EGLN1: variants seen among roughly 807,000 people sequenced by gnomAD.
EGLN1 encodes the protein egl-9 family hypoxia inducible factor 1, also known as egl nine homolog 1.
In EGLN1, 17 loss-of-function variants were observed where a neutral mutation model predicts 38.3. The ratio of observed to expected loss-of-function variants is 0.44; its 90% CI spans 0.30 to 0.67. The LOEUF (loss-of-function observed/expected upper bound fraction) is 0.67. EGLN1 is among the 30% of genes least tolerant of loss of function. EGLN1 has a pLI of 0.08. For missense variants in EGLN1, 477 were observed against 603.3 expected (o/e 0.79, Z 2.19); for synonymous variants, 283 against 257.5 (o/e 1.10, Z -0.95).
At chr1:231,372,945 A>G (rs1431878913) in intron 2 of EGLN1, among the ~76,000 whole-genome samples, 4 of 152,206 alleles carry the variant, frequency 2.6e-5, no homozygotes, top group South Asian at 2.1e-4. Context: ...CTACACAGGT[A>G]TGTTCACTTT....
intron 1 of EGLN1, among the ~76,000 whole-genome samples, chr1:231,414,390 GGAA>G (rs1217731231): frequency 2.6e-5 from 4 of 152,118 alleles, no homozygotes; most frequent in African/African-American, 9.7e-5. Context: ...CAGAAAACAT[GGAA>G]GAAGAACAAA....
In EGLN1 at chr1:231,374,068, G is replaced by A. The variant is rs866641142; in HGVS notation, c.923C>T (p.Thr308Met). The part of the protein sequence containing the change: ...AMVACYPGNG[T>M]GYVRHVDNPN... ...ATTATCAACATGACGTACATAACCC[G>A]TTCCATTGCCCGGATAACAAGCAAC... The change falls in exon 2 of 5, where the codon ACG (threonine) becomes ATG (methionine). Residue 308 changes from threonine (T) to methionine (M), a missense_variant. Transcript: ENST00000366641. The A allele has an allele frequency of 6.2e-6, 10 of 1,613,178 alleles. No homozygotes were observed. The highest frequency in any genetic ancestry group is 3.3e-5 in the South Asian group (3 of 91,038).
At chr1:231,395,408 G>T (rs1226933851) in intron 1 of EGLN1, among the ~76,000 whole-genome samples, 1 of 102,378 alleles carries the variant, frequency 9.8e-6, no homozygotes, top group African/African-American at 2.7e-5. Context: ...CCGTTAAGCA[G>T]TAAGAGCCAA....
intron 1 of EGLN1, among the ~76,000 whole-genome samples, chr1:231,392,033 A>C (rs1688402929): frequency 6.6e-6 from 1 of 152,206 alleles, no homozygotes; most frequent in African/African-American, 2.4e-5. Flanking sequence ...CACGCCTGTA[A>C]TCCCAGCGCT....
At chr1:231,368,817 A>T (rs1687735031) in intron 3 of EGLN1, among the ~76,000 whole-genome samples, 1 of 152,150 alleles carries the variant, frequency 6.6e-6, no homozygotes, top group African/African-American at 2.4e-5. Flanking sequence ...AGACCCCACC[A>T]CTGGTGAATC....
chr1:231,418,157 C>T (rs1023749465), intron 1 of EGLN1, among the ~76,000 whole-genome samples: 3 of 152,142 alleles, frequency 2.0e-5, no homozygotes, highest in Non-Finnish European at 2.9e-5. Context: ...CATAAAAAAA[C>T]CATATTCTGA....
intron 1 of EGLN1, among the ~76,000 whole-genome samples, chr1:231,399,224 G>T (rs2102923834): frequency 6.6e-6 from 1 of 152,258 alleles, no homozygotes; most frequent in Non-Finnish European, 1.5e-5. Flanking sequence ...CAGTGTTTCA[G>T]ACCCTATACT....
At chr1:231,408,545 G>A (rs1238927475) in intron 1 of EGLN1, among the ~76,000 whole-genome samples, 1 of 151,930 alleles carries the variant, frequency 6.6e-6, no homozygotes, top group African/African-American at 2.4e-5. Flanking sequence ...ATGAATTAAG[G>A]GGAAAAAAAG....
chr1:231,365,091 TAACA>T lies in EGLN1; in HGVS notation c.*1316_*1319del, dbSNP rs1420294076. On this transcript the variant is annotated 3_prime_UTR_variant, in exon 5 of 5. Transcript: ENST00000366641. ...CTGGCATCACATCTGGGAAATGCCT[TAACA>T]GATATCTGAGGAGTTACTGCACATT... The T allele has an allele frequency of 6.6e-6, 1 of 152,232 alleles. No individual in the cohort carries two copies. Among genetic ancestry groups the T allele is most frequent in the African/African-American group, 2.4e-5 (1 of 41,460 alleles). The allele number at this position is 152,232 out of a possible 1,614,324, so 9.4% of individuals were successfully genotyped here. A position where few individuals can be genotyped will look rare whatever the true frequency, so the allele number is the denominator to read the frequency against.
chr1:231,395,643 G>A (rs1180746795), intron 1 of EGLN1, among the ~76,000 whole-genome samples: 1 of 152,146 alleles, frequency 6.6e-6, no homozygotes, highest in East Asian at 1.9e-4. Context: ...ATCTAATGAC[G>A]CCAGTGTATT....
chr1:231,387,767 T>C (rs1034899794), intron 1 of EGLN1, among the ~76,000 whole-genome samples: 13 of 152,170 alleles, frequency 8.5e-5, no homozygotes, highest in Admixed American at 3.3e-4. Flanking sequence ...CTCTATATCC[T>C]TACATCCCAT....
chr1:231,420,354 A>C (rs1035244849), intron 1 of EGLN1: 1 of 155,024 alleles, frequency 6.5e-6, no homozygotes, highest in Non-Finnish European at 1.4e-5. Context: ...GAAGACGGAA[A>C]TACTTCTTTC....
At chr1:231,414,762 C>G (rs559900422) in intron 1 of EGLN1, among the ~76,000 whole-genome samples, 17 of 137,692 alleles carry the variant, frequency 1.2e-4, no homozygotes, top group Admixed American at 3.9e-4. Context: ...GAGACAGGCT[C>G]TCGCTGTCAC....
At chr1:231,393,987 C>G (rs1223355350) in intron 1 of EGLN1, among the ~76,000 whole-genome samples, 1 of 152,214 alleles carries the variant, frequency 6.6e-6, no homozygotes, top group African/African-American at 2.4e-5. Context: ...AGGATTCTTC[C>G]AACTTCAGGA....
At chr1:231,382,908 A>T (rs1688107788) in intron 1 of EGLN1, among the ~76,000 whole-genome samples, 1 of 151,736 alleles carries the variant, frequency 6.6e-6, no homozygotes, top group African/African-American at 2.4e-5. Flanking sequence ...AAATACAAAA[A>T]TCACCCAGGT....
Position 231,366,469 on chromosome 1 carries a change from TTTTCACC to T in EGLN1, c.1217-1_1222del, listed in dbSNP as rs1687649033. 1 of 1,613,750 alleles carries T rather than the reference TTTTCACC, an allele frequency of 6.2e-7. No homozygotes were observed. The highest frequency in any genetic ancestry group is 8.5e-7 in the Non-Finnish European group (1 of 1,179,974). On this transcript the variant is annotated splice_acceptor_variant and coding_sequence_variant, in exon 5 of 5. Coordinates refer to ENST00000366641, the MANE Select transcript of EGLN1 (RefSeq NM_022051.3). LOFTEE classifies it high-confidence loss of function. Reference sequence around the variant, plus strand: ...TTTATTGAGTTCAACCCTCACACCTTTTTCACCTGCAAGGTAAAAAAAAAAAAAATTT... The same window carrying T: ...TTTATTGAGTTCAACCCTCACACCTTTGCAAGGTAAAAAAAAAAAAAATTT...
At chr1:231,396,915 T>C (rs979468776) in intron 1 of EGLN1, among the ~76,000 whole-genome samples, 2 of 151,580 alleles carry the variant, frequency 1.3e-5, no homozygotes, top group African/African-American at 2.4e-5. Flanking sequence ...GCTATGTCTC[T>C]AATCTGTATA....
At chr1:231,376,450 T>C (rs1205962410) in intron 1 of EGLN1, among the ~76,000 whole-genome samples, 2 of 152,212 alleles carry the variant, frequency 1.3e-5, no homozygotes, top group African/African-American at 4.8e-5. Flanking sequence ...AGAGTAGCGA[T>C]GCTGGCATAC....
At position 231,370,661 on chromosome 1, in the gene EGLN1, T is replaced by G; in HGVS notation, c.1049A>C (p.Lys350Thr). ...GGGTTCAATGTCAGCAAACTGGGCT[T>G]TGCCTTCTGGAAAAATTCGAAGTAT... Reference protein sequence around the residue: ...GGILRIFPEGKAQFADIEPKF... With the variant: ...GGILRIFPEGTAQFADIEPKF... The change falls in exon 3 of 5, where the codon AAA becomes ACA. Residue 350 changes from lysine (K) to threonine (T), a missense_variant. This residue lies in a region of EGLN1 where 59 missense variants were observed against 119.0 expected (regional missense o/e 0.50). Transcript: ENST00000366641. 6.2e-7 allele frequency: 1 copy of G among 1,614,150 alleles called. No homozygotes were observed. Among genetic ancestry groups the G allele is most frequent in the Non-Finnish European group, 8.5e-7 (1 of 1,180,026 alleles).
Sources: allele counts gnomAD v4.1 joint callset (sites outside exome capture counted in the v4.1 genomes callset), GRCh38; gene constraint gnomAD v4.1.1; regional missense constraint gnomAD v4.1.1; transcripts MANE v1.5; gene names NCBI Gene and HGNC (gene_info 2026-07-23, HGNC 2026-07-21).